THSD4: variants seen among roughly 807,000 people sequenced by gnomAD.
THSD4 encodes the protein thrombospondin type-1 domain-containing protein 4.
In THSD4, 69 loss-of-function variants were observed where a neutral mutation model predicts 119.0. The ratio of observed to expected loss-of-function variants is 0.58; its 90% confidence interval spans 0.48 to 0.71. The LOEUF (loss-of-function observed/expected upper bound fraction) is 0.71, where lower values mean the gene tolerates loss of function less well. THSD4 is among the 30% of genes least tolerant of loss of function. The pLI, the probability that THSD4 is intolerant of heterozygous loss-of-function variation, is 0.00. For missense variants in THSD4, 1,393 were observed against 1,391.1 expected (o/e 1.00, Z -0.02); for synonymous variants, 524 against 540.4 (o/e 0.97, Z 0.42).
intron 7 of THSD4, among the ~76,000 whole-genome samples, chr15:71,449,679 A>G (rs2047236458): frequency 6.6e-6 from 1 of 152,314 alleles, no homozygotes; most frequent in African/African-American, 2.4e-5. Flanking sequence ...TAGACATTTT[A>G]TAGTCACTTT....
chr15:71,268,719 C>T (rs2044493716), intron 6 of THSD4, among the ~76,000 whole-genome samples: 2 of 144,800 alleles, frequency 1.4e-5, no homozygotes, highest in Admixed American at 1.4e-4. Flanking sequence ...AGACAGCTAG[C>T]CAGACTAATA....
At chr15:71,689,864 G>T (rs1251376675) in intron 8 of THSD4, among the ~76,000 whole-genome samples, 3 of 152,164 alleles carry the variant, frequency 2.0e-5, no homozygotes, top group Admixed American at 6.5e-5. Flanking sequence ...ACCTGTTTGG[G>T]TGTTCTTCCC....
At chr15:71,515,446 C>G (rs905443651) in intron 7 of THSD4, among the ~76,000 whole-genome samples, 3 of 152,128 alleles carry the variant, frequency 2.0e-5, no homozygotes, top group Non-Finnish European at 2.9e-5. Flanking sequence ...ACCTGGGTTT[C>G]AGGGCTGGCC....
chr15:71,685,364 C>T (rs528048841), intron 8 of THSD4, among the ~76,000 whole-genome samples: 8 of 151,652 alleles, frequency 5.3e-5, no homozygotes, highest in Non-Finnish European at 8.8e-5. Flanking sequence ...TGAATTTATT[C>T]GTTAATATTT....
rs754175859 is a variant in THSD4 at position 71,777,393 on chromosome 15, A to G, written c.*19A>G. ...CAGATAACACTCCTGCACCCCCATC[A>G]GTAGGGCAGCATCACTGCCTTCCCG... On this transcript the variant is annotated 3_prime_UTR_variant, in exon 18 of 18. Coordinates refer to ENST00000261862, the MANE Select transcript of THSD4 (RefSeq NM_024817.3). 100 of 1,609,494 alleles carry G rather than the reference A, an allele frequency of 6.2e-5. No homozygotes were observed. Among genetic ancestry groups the G allele is most frequent in the Non-Finnish European group, 8.1e-5 (95 of 1,178,586 alleles).
intron 7 of THSD4, among the ~76,000 whole-genome samples, chr15:71,521,093 GA>G (rs2048433830): frequency 6.6e-6 from 1 of 152,222 alleles, no homozygotes; most frequent in Non-Finnish European, 1.5e-5. Context: ...ACAAGGGTGA[GA>G]AAGGGGAAAT....
chr15:71,759,249 A>T (rs1200069513), intron 15 of THSD4, among the ~76,000 whole-genome samples: 1 of 152,190 alleles, frequency 6.6e-6, no homozygotes. Context: ...ATGTTTTTTA[A>T]AATATAGAGA....
At chr15:71,308,963 T>C (rs2045073058) in intron 6 of THSD4, among the ~76,000 whole-genome samples, 1 of 152,206 alleles carries the variant, frequency 6.6e-6, no homozygotes. Flanking sequence ...TTCTTGTGCT[T>C]TTGTTTTTTG....
In THSD4 at chr15:71,586,974, G is replaced by A. The variant is rs547634936; in HGVS notation, c.1153-73556G>A. Among the ~76,000 whole-genome samples the A allele has an allele frequency of 6.4e-4, 98 of 152,280 alleles. 1 individual carries two copies. The South Asian group carries it at 0.016, about 25-fold the overall frequency. On this transcript the variant is annotated intron_variant, in intron 7 of 17. Coordinates refer to ENST00000261862, the MANE Select transcript of THSD4 (RefSeq NM_024817.3). ...TCTCTGACCCTTTACAGTTTTCAAA[G>A]CACTTTTATAGCTGTGATCTCATTT...
At chr15:71,306,228 C>T (rs36129264) in intron 6 of THSD4, among the ~76,000 whole-genome samples, 3,086 of 132,452 alleles carry the variant, frequency 0.023, 31 homozygotes, top group Non-Finnish European at 0.028. Context: ...ATCACTTGAA[C>T]GTGGGAGGCA....
chr15:71,578,527 G>A (rs2049498015), intron 7 of THSD4, among the ~76,000 whole-genome samples: 1 of 151,998 alleles, frequency 6.6e-6, no homozygotes, highest in African/African-American at 2.4e-5. Flanking sequence ...GGTGGTGACA[G>A]GATTTCGCCA....
chr15:71,261,923 ATAAT>A (rs1269071146), intron 6 of THSD4, among the ~76,000 whole-genome samples: 6 of 152,188 alleles, frequency 3.9e-5, no homozygotes, highest in Non-Finnish European at 7.3e-5. Flanking sequence ...CTTTGTTTAA[ATAAT>A]TCTTTTTGCT....
chr15:71,573,566 A>G (rs1339182191), intron 7 of THSD4, among the ~76,000 whole-genome samples: 2 of 152,184 alleles, frequency 1.3e-5, no homozygotes, highest in Admixed American at 6.5e-5. Context: ...TTTTCCCTCA[A>G]ATGCCACCTG....
chr15:71,636,307 C>T (rs1273881743), intron 7 of THSD4, among the ~76,000 whole-genome samples: 1 of 152,068 alleles, frequency 6.6e-6, no homozygotes, highest in Non-Finnish European at 1.5e-5. Flanking sequence ...CCTGTAATCC[C>T]AGCAACTCGG....
chr15:71,682,911 C>A, intron 8 of THSD4, among the ~76,000 whole-genome samples: 1 of 5,596 alleles, frequency 1.8e-4, no homozygotes, highest in African/African-American at 5.9e-4. Flanking sequence ...TTTCTTTCTT[C>A]TTCTTCTTCT....
At chr15:71,409,502 C>T (rs913935769) in intron 6 of THSD4, among the ~76,000 whole-genome samples, 6 of 152,140 alleles carry the variant, frequency 3.9e-5, no homozygotes, top group Non-Finnish European at 5.9e-5. Context: ...ATGATGATTT[C>T]GTTTGAAATA....
intron 6 of THSD4, among the ~76,000 whole-genome samples, chr15:71,407,741 A>G (rs1461940350): frequency 6.6e-6 from 1 of 152,198 alleles, no homozygotes; most frequent in Non-Finnish European, 1.5e-5. Context: ...TCAAAATAAG[A>G]GTCAGCTGCT....
chr15:71,325,545 G>A (rs2045326535), intron 6 of THSD4, among the ~76,000 whole-genome samples: 1 of 152,170 alleles, frequency 6.6e-6, no homozygotes, highest in African/African-American at 2.4e-5. Context: ...ATGTTCTAAG[G>A]GAGTTCAAAA....
intron 7 of THSD4, among the ~76,000 whole-genome samples, chr15:71,624,255 A>G (rs8026339): frequency 6.6e-6 from 1 of 152,224 alleles, no homozygotes; most frequent in Non-Finnish European, 1.5e-5. Context: ...CAGTGAGAAC[A>G]CTTGAGCAAA....
Sources: gnomAD v4.1 joint callset for allele counts (sites outside exome capture counted in the v4.1 genomes callset) on GRCh38, gnomAD v4.1.1 for gene constraint, MANE v1.5 for transcripts, NCBI Gene and HGNC (gene_info 2026-07-23, HGNC 2026-07-21) for gene names.